TAS2R1: variants seen among roughly 807,000 people sequenced by gnomAD.
TAS2R1 encodes the protein taste 2 receptor member 1, also known as taste receptor type 2 member 1.
For missense variants in TAS2R1, 370 were observed against 353.4 expected (o/e 1.05, Z -0.38); for synonymous variants, 141 against 134.2 (o/e 1.05, Z -0.35).
At chr5:9,695,775 G>T (rs764272081) in intron 1 of TAS2R1, among the ~76,000 whole-genome samples, 1 of 152,116 alleles carries the variant, frequency 6.6e-6, no homozygotes, top group African/African-American at 2.4e-5. Context: ...AATTAACCAC[G>T]GCAACTGGAG....
chr5:9,719,932 AAAAAAACAAAAAC>A, the TAS2R1 span, among the ~76,000 whole-genome samples: 1 of 140,884 alleles, frequency 7.1e-6, no homozygotes, highest in African/African-American at 2.7e-5. Flanking sequence ...AAAAAAAAAA[AAAAAAACAAAAAC>A]AAAAACAAAC....
At chr5:9,775,209 C>A in the TAS2R1 span, among the ~76,000 whole-genome samples, 2 of 152,218 alleles carry the variant, frequency 1.3e-5, no homozygotes, top group African/African-American at 4.8e-5. Context: ...CTGTGTCCAC[C>A]GCCATCCCAG....
At chr5:9,679,309 C>T (rs546366667) in intron 1 of TAS2R1, among the ~76,000 whole-genome samples, 2 of 152,128 alleles carry the variant, frequency 1.3e-5, no homozygotes, top group Admixed American at 6.6e-5. Context: ...TTCTAAAGCC[C>T]GTAGAATTTT....
At chr5:9,798,357 G>A in the TAS2R1 span, among the ~76,000 whole-genome samples, 1 of 152,000 alleles carries the variant, frequency 6.6e-6, no homozygotes, top group South Asian at 2.1e-4. Context: ...AAATTGAATT[G>A]TATACTTAAA....
chr5:9,631,295 A>G (rs1016158414), upstream of TAS2R1, among the ~76,000 whole-genome samples: 1 of 152,230 alleles, frequency 6.6e-6, no homozygotes, highest in African/African-American at 2.4e-5. Flanking sequence ...GTTGCAGTGC[A>G]GTGGTATAAT....
chr5:9,631,201 G>A (rs1739866753), upstream of TAS2R1, among the ~76,000 whole-genome samples: 1 of 152,136 alleles, frequency 6.6e-6, no homozygotes, highest in Non-Finnish European at 1.5e-5. Context: ...CAAGACTAAA[G>A]GCAGAATGAG....
At chr5:9,818,333 A>C in the TAS2R1 span, among the ~76,000 whole-genome samples, 1 of 152,222 alleles carries the variant, frequency 6.6e-6, no homozygotes. Context: ...GGGCGACATT[A>C]TCTCTCTAGA....
the TAS2R1 span, among the ~76,000 whole-genome samples, chr5:9,862,262 T>A: frequency 1.2e-3 from 190 of 152,268 alleles, no homozygotes; most frequent in African/African-American, 4.5e-3. Flanking sequence ...GTGCATTCGT[T>A]TTCAGTTAAA....
chr5:9,846,087 A>T, the TAS2R1 span, among the ~76,000 whole-genome samples: 1 of 152,254 alleles, frequency 6.6e-6, no homozygotes, highest in Non-Finnish European at 1.5e-5. Flanking sequence ...TTAATAGTAG[A>T]AAAAGGTGTG....
At chr5:9,644,527 C>A (rs1470902477) in intron 2 of TAS2R1, among the ~76,000 whole-genome samples, 2 of 152,116 alleles carry the variant, frequency 1.3e-5, no homozygotes. Flanking sequence ...AGGTTAAAAT[C>A]AAGAGCTCTG....
At chr5:9,743,201 G>T in the TAS2R1 span, among the ~76,000 whole-genome samples, 1 of 152,140 alleles carries the variant, frequency 6.6e-6, no homozygotes, top group Non-Finnish European at 1.5e-5. Context: ...GTTAATTAGT[G>T]CAGAGGCAAC....
At chr5:9,794,534 CA>C in the TAS2R1 span, among the ~76,000 whole-genome samples, 1 of 152,046 alleles carries the variant, frequency 6.6e-6, no homozygotes, top group Admixed American at 6.5e-5. Flanking sequence ...TTATTTTACA[CA>C]AAAATTACTA....
chr5:9,648,848 G>C (rs1388261414), intron 2 of TAS2R1, among the ~76,000 whole-genome samples: 1 of 152,070 alleles, frequency 6.6e-6, no homozygotes, highest in African/African-American at 2.4e-5. Context: ...AGAAGGCAGG[G>C]TCGGTGCCCA....
At chr5:9,830,370 A>G in the TAS2R1 span, among the ~76,000 whole-genome samples, 1 of 152,000 alleles carries the variant, frequency 6.6e-6, no homozygotes, top group Non-Finnish European at 1.5e-5. Context: ...ATTGACAGAT[A>G]GGTGGATGAT....
At chr5:9,812,494 AAT>A in the TAS2R1 span, among the ~76,000 whole-genome samples, 42 of 152,160 alleles carry the variant, frequency 2.8e-4, no homozygotes, top group South Asian at 8.5e-3. Context: ...ATATAGGAGG[AAT>A]TCAACAAAAC....
At chr5:9,802,042 G>A in the TAS2R1 span, among the ~76,000 whole-genome samples, 1 of 152,142 alleles carries the variant, frequency 6.6e-6, no homozygotes, top group Non-Finnish European at 1.5e-5. Context: ...GGCATCCCTA[G>A]GGCAAGCTTG....
At chr5:9,899,932 C>T in the TAS2R1 span, among the ~76,000 whole-genome samples, 4 of 152,056 alleles carry the variant, frequency 2.6e-5, no homozygotes, top group Non-Finnish European at 5.9e-5. Flanking sequence ...TTGGTTGTTC[C>T]CAGTTTTTTT....
At chr5:9,642,159 C>G (rs1236170500) in intron 2 of TAS2R1, among the ~76,000 whole-genome samples, 1 of 152,106 alleles carries the variant, frequency 6.6e-6, no homozygotes, top group African/African-American at 2.4e-5. Context: ...CGTTGGAAAG[C>G]TTTTCATCAG....
chr5:9,656,130 A>G (rs1579770397), intron 2 of TAS2R1, among the ~76,000 whole-genome samples: 1 of 152,206 alleles, frequency 6.6e-6, no homozygotes, highest in Non-Finnish European at 1.5e-5. Flanking sequence ...GCTACAGTCC[A>G]AGTGCCTACC....
Sources: gnomAD v4.1 joint callset for allele counts (sites outside exome capture counted in the v4.1 genomes callset) on GRCh38, gnomAD v4.1.1 for gene constraint, MANE v1.5 for transcripts, NCBI Gene and HGNC (gene_info 2026-07-23, HGNC 2026-07-21) for gene names.